The following ABCC10 variants were observed in gnomAD, a reference collection of about 807,000 sequenced individuals.
ABCC10 encodes ATP-binding cassette sub-family C member 10.
ABCC10 carries 110 observed loss-of-function variants against 143.2 expected under a neutral mutation model. The observed-to-expected ratio is 0.77, with a 90% confidence interval of 0.66 to 0.90. The LOEUF is 0.90. Ranked by LOEUF, ABCC10 falls within the 40% of genes least tolerant of loss-of-function variation. The probability of loss-of-function intolerance (pLI) is 0.00; values close to 1 mark genes in which losing one functional copy is unlikely to be tolerated. For synonymous variants in ABCC10, 805 were observed against 846.7 expected (o/e 0.95, Z 0.85); for missense variants, 1,700 against 1,900.5 (o/e 0.89, Z 1.96).
At chr6:43,434,965 C>G in intron 4 of ABCC10, 117 bp downstream of exon 4, 1 of 1,114,036 alleles carries the variant, frequency 9.0e-7, no homozygotes, top group East Asian at 2.5e-5. Flanking sequence ...TGCCTCATCT[C>G]TCAACCAAGG....
At chr6:43,431,774 T>C in intron 2 of ABCC10, 1 of 1,072,572 alleles carries the variant, frequency 9.3e-7, no homozygotes, top group East Asian at 6.9e-5. Context: ...ATCACCAAAG[T>C]AGCAAACGTA....
chr6:43,451,428 C>T (rs1035704907), downstream of ABCC10, among the ~76,000 whole-genome samples: 2 of 152,230 alleles, frequency 1.3e-5, no homozygotes, highest in African/African-American at 4.8e-5. This position sits in a 1 kb window ranked among gnomAD's most constrained non-coding sequence, Gnocchi z 4.4. Context: ...AAAAATAGTA[C>T]CCAGCTTCCC....
intron 8 of ABCC10, among the ~76,000 whole-genome samples, chr6:43,439,826 C>T (rs1372767933): frequency 6.6e-6 from 1 of 152,190 alleles, no homozygotes; most frequent in Non-Finnish European, 1.5e-5. Context: ...TTGTGATCTG[C>T]CCACCTTGGC....
At chr6:43,448,026 C>G in intron 18 of ABCC10, 89 bp downstream of exon 18, 28 of 1,562,958 alleles carry the variant, frequency 1.8e-5, no homozygotes, top group Non-Finnish European at 2.3e-5. Context: ...TTTATATAAA[C>G]TCACAGCAGC....
At chr6:43,450,838 C>G (rs369131771), downstream of ABCC10, 1 of 1,614,192 alleles carries the variant, frequency 6.2e-7, no homozygotes, top group Admixed American at 1.7e-5. This position sits in a 1 kb window ranked among gnomAD's most constrained non-coding sequence, Gnocchi z 4.5. Context: ...CGCAGCAGAC[C>G]AGCCCCTGCG....
intron 8 of ABCC10, among the ~76,000 whole-genome samples, chr6:43,439,187 C>T (rs1234387410): frequency 6.6e-6 from 1 of 152,090 alleles, no homozygotes; most frequent in Non-Finnish European, 1.5e-5. Flanking sequence ...TTAGATTTCC[C>T]CTTGCCCCCA....
intron 6 of ABCC10, 56 bp downstream of exon 6, chr6:43,436,303 T>C: frequency 1.3e-6 from 2 of 1,579,854 alleles, no homozygotes; most frequent in Non-Finnish European, 8.7e-7. Context: ...AGATGGGAAC[T>C]CATGTCAGAG....
At chr6:43,449,064 C>T in intron 19 of ABCC10, 38 bp downstream of exon 19, 2 of 1,613,520 alleles carry the variant, frequency 1.2e-6, no homozygotes, top group Non-Finnish European at 1.7e-6. Flanking sequence ...AAGAAGGGAG[C>T]AGGGATGGCC....
In ABCC10 at chr6:43,446,277, G is replaced by A; in HGVS notation, c.3375G>A (p.Arg1125=). The A allele has an allele frequency of 6.2e-7, 1 of 1,613,124 alleles. No individual in the cohort carries two copies. The highest frequency in any genetic ancestry group is 8.5e-7 in the Non-Finnish European group (1 of 1,179,398). ...SVLRATGATY[R]FEEENLRLLE... ...TTCACATCCCTCTGGCCTTCCCTAGGTTTGAGGAGGAGAACCTGCGACTCC... is the reference window on the plus strand; with the variant it reads ...TTCACATCCCTCTGGCCTTCCCTAGATTTGAGGAGGAGAACCTGCGACTCC... Residue 1125 remains arginine (R), a splice_region_variant and synonymous_variant, in exon 16 of 22, where the codon AGG becomes AGA. Coordinates refer to ENST00000372530, the MANE Select transcript of ABCC10 (RefSeq NM_001198934.2).
intron 21 of ABCC10, 98 bp from the exon 22 acceptor site, chr6:43,449,831 C>A (rs1027721418): frequency 4.3e-6 from 6 of 1,389,044 alleles, no homozygotes; most frequent in African/African-American, 4.3e-5. Flanking sequence ...TGGGGACAGA[C>A]CTGTGGTGTC....
At position 43,438,019 on chromosome 6, in the gene ABCC10, C is replaced by G. The variant is rs375822611; in HGVS notation, c.1955+6C>G. The G allele has an allele frequency of 1.1e-5, 18 of 1,610,760 alleles. No homozygotes were observed. The highest frequency in any genetic ancestry group is 1.5e-5 in the Non-Finnish European group (18 of 1,178,596). On this transcript the variant is annotated splice_donor_region_variant and intron_variant, in intron 7 of 21. Coordinates refer to ENST00000372530, the MANE Select transcript of ABCC10 (RefSeq NM_001198934.2). ...ATCGCTGGAGAGCTCCACAGGTAACCAACCTCCTATGCACCCCTGTCCTTA... is the reference window on the plus strand; with the variant it reads ...ATCGCTGGAGAGCTCCACAGGTAACGAACCTCCTATGCACCCCTGTCCTTA...
Position 43,443,335 on chromosome 6 carries a change from G to C in ABCC10, c.2416+176G>C. ...GAACAGGAGGGAAAAGGAGTACGTT[G>C]GTAAAATGCCAGTGTATTTGGGACT... On this transcript the variant is annotated intron_variant, in intron 10 of 21. Coordinates refer to ENST00000372530, the MANE Select transcript of ABCC10 (RefSeq NM_001198934.2). The surrounding 1 kb of genome is among the most constrained non-coding windows in gnomAD (Gnocchi z 4.2). 1.6e-6 allele frequency: 1 copy of C among 644,448 alleles called. No homozygotes were observed. Among genetic ancestry groups the C allele is most frequent in the Non-Finnish European group, 2.5e-6 (1 of 404,808 alleles). The allele number at this position is 644,448 out of a possible 1,614,324, so 39.9% of individuals were successfully genotyped here.
rs954874530 is a variant in ABCC10 at position 43,436,174 on chromosome 6, A to G, written c.1802A>G (p.His601Arg). The stretch of plus-strand genomic sequence containing the variant: ...GAGCCATCTACAGTATTGGAGCTGC[A>G]TGGAGCCTTGTTCTCCTGGGACCCA... The part of the protein sequence containing the change: ...PAEPSTVLEL[H>R]GALFSWDPVG... The change falls in exon 6 of 22, where the codon CAT (histidine) becomes CGT (arginine). Residue 601 changes from histidine to arginine, a missense_variant. By Grantham distance (29) the His-to-Arg change is conservative. Coordinates refer to ENST00000372530, the MANE Select transcript of ABCC10 (RefSeq NM_001198934.2). 6.2e-7 allele frequency: 1 copy of G among 1,614,220 alleles called. No individual in the cohort carries two copies. The highest frequency in any genetic ancestry group is 8.5e-7 in the Non-Finnish European group (1 of 1,180,028).
rs1232151641 is a variant in ABCC10, at chr6:43,449,596, G to A, written c.4316+62G>A. ...GTGGTAGCATGCACCGAGAGCCTCC[G>A]TTGCTTTCAGGGACCCCAGTGGTCA... On this transcript the variant is annotated intron_variant, in intron 21 of 21. Coordinates refer to ENST00000372530, the MANE Select transcript of ABCC10 (RefSeq NM_001198934.2). 4.3e-5 allele frequency: 60 copies of A among 1,408,512 alleles called. No homozygotes were observed. In the East Asian group the frequency reaches 9.9e-4, roughly 23 times the overall value. The allele number at this position is 1,408,512 out of a possible 1,614,324, so 87.3% of individuals were successfully genotyped here.
rs1228701394 is a variant in ABCC10 at position 43,438,731 on chromosome 6, A to G, written c.2063A>G (p.Lys688Arg). 6.2e-6 allele frequency: 10 copies of G among 1,614,246 alleles called. No individual in the cohort carries two copies. The highest frequency in any genetic ancestry group is 1.7e-5 in the Admixed American group (1 of 60,032). Reference sequence around the variant, plus strand: ...ATCCGAGACAACATCCTCTTTGGGAAGACATTTGATGCACAGCTGTACAAG... The same window carrying G: ...ATCCGAGACAACATCCTCTTTGGGAGGACATTTGATGCACAGCTGTACAAG... Reference protein sequence around the residue: ...ATIRDNILFGKTFDAQLYKEV... With the variant: ...ATIRDNILFGRTFDAQLYKEV... The change falls in exon 8 of 22, where the codon AAG becomes AGG. Residue 688 changes from lysine (K) to arginine (R), a missense_variant. Transcript: ENST00000372530.
rs756497221 is a variant in ABCC10, at chr6:43,449,013, G to A, written c.4092G>A (p.Val1364=). 15 of 1,613,948 alleles carry A rather than the reference G, an allele frequency of 9.3e-6. No individual in the cohort carries two copies. Among genetic ancestry groups the A allele is most frequent in the Non-Finnish European group, 1.1e-5 (13 of 1,179,946 alleles). ...QALKQCHLSE[V]ITSMGGLDGE... ...TGAAGCAGTGCCACCTGAGTGAGGTGATTACATCCATGGGTGAGTGCTGGA... is the reference window on the plus strand; with the variant it reads ...TGAAGCAGTGCCACCTGAGTGAGGTAATTACATCCATGGGTGAGTGCTGGA... Residue 1364 remains valine, a synonymous_variant, in exon 19 of 22, where the codon GTG becomes GTA. Coordinates refer to ENST00000372530, the MANE Select transcript of ABCC10 (RefSeq NM_001198934.2).
Position 43,444,008 on chromosome 6 carries a change from C to T in ABCC10, c.2492C>T (p.Ser831Leu), listed in dbSNP as rs1381828740. 1 of 1,613,854 alleles carries T rather than the reference C, an allele frequency of 6.2e-7. No individual in the cohort carries two copies. Among genetic ancestry groups the T allele is most frequent in the Non-Finnish European group, 8.5e-7 (1 of 1,179,818 alleles). The change falls in exon 11 of 22, where the codon TCA becomes TTA. Residue 831 changes from serine (S) to leucine (L), a missense_variant and splice_region_variant. Physicochemically the swap from Ser to Leu is moderately radical, Grantham distance 145. Coordinates refer to ENST00000372530, the MANE Select transcript of ABCC10 (RefSeq NM_001198934.2). ...AWAENGQESD[S>L]ATAQSVQNPE... Reference sequence around the variant, plus strand: ...GCTGAGAATGGACAAGAGTCTGACTCAGGTATGGCTCCCCAGTGGGAGAAA... The same window carrying T: ...GCTGAGAATGGACAAGAGTCTGACTTAGGTATGGCTCCCCAGTGGGAGAAA...
chr6:43,438,559 A>C (rs1781992762), intron 7 of ABCC10, 65 bp from the exon 8 acceptor site: 4 of 1,573,986 alleles, frequency 2.5e-6, no homozygotes, highest in Admixed American at 1.8e-5. Context: ...CTAGGAGTCA[A>C]GGGCTGGGCA....
chr6:43,447,493 C>T, intron 17 of ABCC10, 85 bp downstream of exon 17: 1 of 1,560,048 alleles, frequency 6.4e-7, no homozygotes, highest in Non-Finnish European at 8.6e-7. Context: ...TTTTGCCCAC[C>T]CATCTTTCTC....
Sources: gnomAD v4.1 joint callset for allele counts (sites outside exome capture counted in the v4.1 genomes callset) on GRCh38, gnomAD v4.1.1 for gene constraint, Gnocchi (gnomAD v3.1) non-coding constraint, MANE v1.5 for transcripts, NCBI Gene and HGNC (gene_info 2026-07-23, HGNC 2026-07-21) for gene names.